PELI2: variants seen among roughly 807,000 people sequenced by gnomAD.
The protein encoded by PELI2 is pellino E3 ubiquitin protein ligase family member 2.
In PELI2, 23 loss-of-function variants were observed where a neutral mutation model predicts 42.3. That is an observed-to-expected ratio of 0.54 (90% CI 0.39 to 0.77). The LOEUF (loss-of-function observed/expected upper bound fraction) is 0.77. Ranked by LOEUF, PELI2 falls within the 30% of genes least tolerant of loss-of-function variation. The pLI is 0.00. For synonymous variants in PELI2, 245 were observed against 212.2 expected (o/e 1.15, Z -1.34); for missense variants, 463 against 553.2 (o/e 0.84, Z 1.64).
chr14:56,193,444 G>A (rs1886021504), intron 2 of PELI2, among the ~76,000 whole-genome samples: 1 of 152,168 alleles, frequency 6.6e-6, no homozygotes, highest in African/African-American at 2.4e-5. Flanking sequence ...AGGGAAGTTG[G>A]GGAGGGAAGG....
At position 56,189,937 on chromosome 14, in the gene PELI2, TACCA is replaced by T. The variant is rs1161030724; in HGVS notation, c.207+11475_207+11478del. On this transcript the variant is annotated intron_variant, in intron 2 of 5. Transcript: ENST00000267460. The stretch of plus-strand genomic sequence containing the variant: ...GCCTTTCGTCACAGGAGAATGTACT[TACCA>T]ATTACAACATTTTGATAAGGCATTC... Among the ~76,000 whole-genome samples the T allele has an allele frequency of 7.9e-5, 12 of 152,228 alleles. No homozygotes were observed. In the South Asian group the frequency reaches 8.3e-4, roughly 11 times the overall value.
chr14:56,207,238 A>G (rs913589929), intron 2 of PELI2, among the ~76,000 whole-genome samples: 10 of 152,336 alleles, frequency 6.6e-5, no homozygotes, highest in African/African-American at 1.2e-4. Context: ...AATAATCTCT[A>G]TATAAACCTT....
chr14:56,192,065 G>A (rs1885965762), intron 2 of PELI2, among the ~76,000 whole-genome samples: 1 of 152,222 alleles, frequency 6.6e-6, no homozygotes, highest in Non-Finnish European at 1.5e-5. Context: ...ATGTTGGCCA[G>A]GCTGGTCTTG....
chr14:56,290,255 G>T lies in PELI2; in HGVS notation c.508-13G>T. The stretch of plus-strand genomic sequence containing the variant: ...CTTAACCTACTTTTTCTGTTCTGCT[G>T]TGTTCTCTCCAGGAAAAGGCAGCAA... On this transcript the variant is annotated splice_polypyrimidine_tract_variant and intron_variant, in intron 4 of 5. Coordinates refer to ENST00000267460, the MANE Select transcript of PELI2 (RefSeq NM_021255.3). 2 of 1,544,302 alleles carry T rather than the reference G, an allele frequency of 1.3e-6. No individual in the cohort carries two copies. Among genetic ancestry groups the T allele is most frequent in the South Asian group, 1.2e-5 (1 of 80,914 alleles).
chr14:56,238,119 T>TTAAAAGCC (rs11280690), intron 2 of PELI2, among the ~76,000 whole-genome samples: 60,471 of 151,724 alleles, frequency 0.4, 12,771 homozygotes, highest in South Asian at 0.53. Flanking sequence ...CCTAAGTTGT[T>TTAAAAGCC]TAAAAGCCTA....
chr14:56,202,051 G>C (rs546794481), intron 2 of PELI2, among the ~76,000 whole-genome samples: 127 of 152,322 alleles, frequency 8.3e-4, no homozygotes, highest in African/African-American at 3.0e-3. Context: ...AGAGATGCAT[G>C]AGACAACCTG....
At chr14:56,247,306 T>G (rs1210420715) in intron 2 of PELI2, among the ~76,000 whole-genome samples, 1 of 152,224 alleles carries the variant, frequency 6.6e-6, no homozygotes, top group Non-Finnish European at 1.5e-5. Context: ...TTCAGTCAAC[T>G]GTAGTTTTTC....
Position 56,145,122 on chromosome 14 carries a change from G to A in PELI2, c.77+26385G>A, listed in dbSNP as rs115122246. The A allele has an allele frequency of 4.9e-3, 1,083 of 220,430 alleles. 16 individuals are homozygous for A. The highest frequency in any genetic ancestry group is 0.023 in the African/African-American group (1,006 of 42,850). The allele number at this position is 220,430 out of a possible 1,614,324, so 13.7% of individuals were successfully genotyped here. A position where few individuals can be genotyped will look rare whatever the true frequency, so the allele number is the denominator to read the frequency against. ...CAGTTCTGCAGGCTGTGCAGGTAGT[G>A]TGGCTGGGGAGGCCTCAGGAAACTT... is the stretch of plus-strand genomic sequence containing the variant. On this transcript the variant is annotated intron_variant, in intron 1 of 5. Coordinates refer to ENST00000267460, the MANE Select transcript of PELI2 (RefSeq NM_021255.3).
chr14:56,199,311 TC>T (rs1886248950), intron 2 of PELI2, among the ~76,000 whole-genome samples: 2 of 152,216 alleles, frequency 1.3e-5, no homozygotes, highest in East Asian at 3.9e-4. Context: ...GGCTCTAATC[TC>T]CATTTACTTC....
At chr14:56,198,082 A>G (rs1016053062) in intron 2 of PELI2, among the ~76,000 whole-genome samples, 15 of 152,178 alleles carry the variant, frequency 9.9e-5, no homozygotes, top group Admixed American at 9.8e-4. Flanking sequence ...GTAGAAGTAC[A>G]GAGAAGCGAA....
At chr14:56,221,251 T>TG (rs1566646040) in intron 2 of PELI2, among the ~76,000 whole-genome samples, 1 of 152,134 alleles carries the variant, frequency 6.6e-6, no homozygotes, top group Non-Finnish European at 1.5e-5. Context: ...GCTCAGTCCC[T>TG]GAGACATTAA....
intron 1 of PELI2, among the ~76,000 whole-genome samples, chr14:56,150,008 A>G (rs1020852661): frequency 1.3e-5 from 2 of 152,216 alleles, no homozygotes; most frequent in African/African-American, 4.8e-5. Context: ...TTTTCTAGAC[A>G]TCTATGTTAT....
At chr14:56,232,356 C>T (rs1206524975) in intron 2 of PELI2, among the ~76,000 whole-genome samples, 2 of 152,198 alleles carry the variant, frequency 1.3e-5, no homozygotes, top group East Asian at 1.9e-4. Context: ...TGCAAAAATC[C>T]TCAATAAAAT....
intron 2 of PELI2, among the ~76,000 whole-genome samples, chr14:56,277,538 A>C (rs1481610985): frequency 6.6e-6 from 1 of 152,110 alleles, no homozygotes; most frequent in Non-Finnish European, 1.5e-5. Flanking sequence ...ATAGAAATAA[A>C]GTATACAATA....
chr14:56,170,308 A>G (rs1045419917), intron 1 of PELI2, among the ~76,000 whole-genome samples: 4 of 152,220 alleles, frequency 2.6e-5, no homozygotes, highest in Non-Finnish European at 5.9e-5. Context: ...AGTTCAGGCT[A>G]GTTAAGATAA....
intron 2 of PELI2, among the ~76,000 whole-genome samples, chr14:56,267,751 A>G (rs1386610136): frequency 6.6e-6 from 1 of 152,308 alleles, no homozygotes. Flanking sequence ...AAAAAATTCA[A>G]GTAAAATGAG....
intron 1 of PELI2, among the ~76,000 whole-genome samples, chr14:56,135,874 G>T (rs1883671712): frequency 6.6e-6 from 1 of 152,202 alleles, no homozygotes; most frequent in African/African-American, 2.4e-5. Context: ...GTTAACTGAT[G>T]ATTAAGCAGA....
intron 2 of PELI2, among the ~76,000 whole-genome samples, chr14:56,216,231 A>G (rs1438580550): frequency 1.3e-5 from 2 of 152,340 alleles, no homozygotes; most frequent in South Asian, 2.1e-4. Flanking sequence ...GGAGTCAGGC[A>G]GAGGCTATTC....
At chr14:56,193,591 A>C (rs1393234552) in intron 2 of PELI2, among the ~76,000 whole-genome samples, 1 of 152,202 alleles carries the variant, frequency 6.6e-6, no homozygotes, top group Non-Finnish European at 1.5e-5. Flanking sequence ...AAATAATTTA[A>C]ATCAGCCAAA....
Sources: gnomAD v4.1 joint callset for allele counts (sites outside exome capture counted in the v4.1 genomes callset) on GRCh38, gnomAD v4.1.1 for gene constraint, MANE v1.5 for transcripts, NCBI Gene and HGNC (gene_info 2026-07-23, HGNC 2026-07-21) for gene names.